Variants in FNDC3B observed in about 807,000 individuals in gnomAD.
FNDC3B encodes the protein fibronectin type III domain containing 3B, also known as fibronectin type III domain-containing protein 3B.
FNDC3B carries 12 observed loss-of-function variants against 151.5 expected under a neutral mutation model. The observed-to-expected ratio is 0.08, with a 90% CI of 0.05 to 0.13. The LOEUF is 0.13. Among genes scored for constraint, FNDC3B ranks in the 10% least tolerant of loss-of-function variants. The pLI, the probability that FNDC3B is intolerant of heterozygous loss-of-function variation, is 1.00. For synonymous variants in FNDC3B, 528 were observed against 549.0 expected (o/e 0.96, Z 0.54); for missense variants, 1,214 against 1,505.3 (o/e 0.81, Z 3.20).
chr3:172,260,523 G>A (rs538623905), intron 6 of FNDC3B, among the ~76,000 whole-genome samples: 5 of 152,366 alleles, frequency 3.3e-5, no homozygotes, highest in Admixed American at 2.0e-4. Flanking sequence ...CTTTAAAAAT[G>A]TAGTGGTATT....
rs547090995 is a variant in FNDC3B, at chr3:172,345,421, C to A, written c.2251-906C>A. 2.0e-5 allele frequency among the ~76,000 whole-genome samples: 3 copies of A among 152,148 alleles called. 1 individual carries two copies. The South Asian group carries it at 6.2e-4, about 31-fold the overall frequency. On this transcript the variant is annotated intron_variant, in intron 19 of 25. Transcript: ENST00000415807. ...AGCTGTACTTTTCTCAGCCCTTTCA[C>A]TGATTTATCCTATAAAGAAACTATC...
chr3:172,041,467 C>T (rs1296535325), intron 1 of FNDC3B, among the ~76,000 whole-genome samples: 2 of 145,424 alleles, frequency 1.4e-5, no homozygotes, highest in African/African-American at 5.2e-5. Context: ...TCTCCTCCTC[C>T]TCCTTCTTGT....
At chr3:172,256,907 C>G (rs776207775) in intron 6 of FNDC3B, among the ~76,000 whole-genome samples, 1 of 151,474 alleles carries the variant, frequency 6.6e-6, no homozygotes, top group Non-Finnish European at 1.5e-5. Context: ...GAGAGGAAAT[C>G]AAGAGTGTAA....
intron 2 of FNDC3B, among the ~76,000 whole-genome samples, chr3:172,117,355 T>G (rs1559973831): frequency 6.6e-6 from 1 of 152,236 alleles, no homozygotes; most frequent in Non-Finnish European, 1.5e-5. Context: ...TTGATGCCTT[T>G]GTTGACATTT....
chr3:172,319,722 G>T (rs1731987541), intron 11 of FNDC3B, among the ~76,000 whole-genome samples: 1 of 152,176 alleles, frequency 6.6e-6, no homozygotes, highest in South Asian at 2.1e-4. Flanking sequence ...ATATGGTTAT[G>T]CTGAACACAT....
At chr3:172,341,335 T>A in intron 17 of FNDC3B, 104 bp downstream of exon 17, 1 of 813,496 alleles carries the variant, frequency 1.2e-6, no homozygotes, top group Non-Finnish European at 2.2e-6. Context: ...ATCTTGGTAA[T>A]GCAACCTAAT....
chr3:172,157,563 G>A (rs889685713), intron 3 of FNDC3B, among the ~76,000 whole-genome samples: 6 of 152,034 alleles, frequency 3.9e-5, no homozygotes, highest in African/African-American at 1.4e-4. Context: ...CTTTCTTCCT[G>A]CTATCCCTAA....
intron 10 of FNDC3B, among the ~76,000 whole-genome samples, chr3:172,309,230 C>T (rs998807012): frequency 6.6e-6 from 1 of 152,184 alleles, no homozygotes; most frequent in African/African-American, 2.4e-5. Flanking sequence ...GGCACAAGGA[C>T]AGGGGAACAT....
At chr3:172,160,226 A>G (rs1722700882) in intron 3 of FNDC3B, among the ~76,000 whole-genome samples, 2 of 152,242 alleles carry the variant, frequency 1.3e-5, no homozygotes, top group Admixed American at 6.5e-5. Flanking sequence ...ACCTCTGTTC[A>G]TAGACCTTTG....
intron 6 of FNDC3B, among the ~76,000 whole-genome samples, chr3:172,281,005 A>G (rs1218081379): frequency 6.6e-6 from 1 of 151,896 alleles, no homozygotes. Flanking sequence ...TTTAGGGAAA[A>G]GAAAGACTTG....
At position 172,299,548 on chromosome 3, in the gene FNDC3B, A is replaced by T. The variant is rs190317296; in HGVS notation, c.1061+761A>T. On this transcript the variant is annotated intron_variant, in intron 9 of 25. Coordinates refer to ENST00000415807, the MANE Select transcript of FNDC3B (RefSeq NM_022763.4). Reference sequence around the variant, plus strand: ...CTAAAAAAACTTTTTTTTAATCTTTATTTTATCTAATATTTAAGTTCCCCA... The same window carrying T: ...CTAAAAAAACTTTTTTTTAATCTTTTTTTTATCTAATATTTAAGTTCCCCA... Among the ~76,000 whole-genome samples, 230 of 152,190 alleles carry T rather than the reference A, an allele frequency of 1.5e-3. 3 individuals are homozygous for T. The highest frequency in any genetic ancestry group is 4.1e-4 in the Non-Finnish European group (28 of 67,996).
chr3:172,209,142 G>A (rs1032254454), intron 3 of FNDC3B, among the ~76,000 whole-genome samples: 3 of 152,178 alleles, frequency 2.0e-5, no homozygotes, highest in East Asian at 1.9e-4. Context: ...GGTGGGGGTC[G>A]TGTTTCAGCC....
intron 3 of FNDC3B, among the ~76,000 whole-genome samples, chr3:172,204,474 G>GTATATA (rs774075688): frequency 1.5e-4 from 23 of 152,126 alleles, no homozygotes; most frequent in Non-Finnish European, 2.8e-4. Context: ...TTCTGTGCAT[G>GTATATA]TATACATACA....
intron 3 of FNDC3B, among the ~76,000 whole-genome samples, chr3:172,224,505 A>G (rs371428674): frequency 4.6e-5 from 7 of 152,214 alleles, no homozygotes; most frequent in African/African-American, 1.7e-4. Flanking sequence ...GGAATGTTAG[A>G]TAAATAGTAT....
chr3:172,390,424 T>C (rs932338337), intron 25 of FNDC3B, among the ~76,000 whole-genome samples: 1 of 152,204 alleles, frequency 6.6e-6, no homozygotes, highest in Non-Finnish European at 1.5e-5. Flanking sequence ...CATTTTCAGA[T>C]ATCTTCCAGT....
intron 3 of FNDC3B, among the ~76,000 whole-genome samples, chr3:172,172,159 A>T (rs1723315271): frequency 6.6e-6 from 1 of 152,220 alleles, no homozygotes; most frequent in Admixed American, 6.5e-5. Flanking sequence ...CAGTAAGCAG[A>T]TGATGGCGTA....
At chr3:172,135,505 T>A (rs1721314364) in intron 3 of FNDC3B, among the ~76,000 whole-genome samples, 1 of 152,204 alleles carries the variant, frequency 6.6e-6, no homozygotes, top group South Asian at 2.1e-4. Flanking sequence ...AAAACAGAAT[T>A]GTGGAGCCAT....
intron 6 of FNDC3B, among the ~76,000 whole-genome samples, chr3:172,272,204 A>G (rs1408038045): frequency 6.6e-6 from 1 of 152,198 alleles, no homozygotes; most frequent in East Asian, 1.9e-4. Flanking sequence ...TAGCTATAAG[A>G]GAGTGGGGAC....
At chr3:172,126,020 G>A (rs1221825582) in intron 2 of FNDC3B, among the ~76,000 whole-genome samples, 1 of 152,036 alleles carries the variant, frequency 6.6e-6, no homozygotes, top group Non-Finnish European at 1.5e-5. Context: ...GTTGCTTCAG[G>A]GTGCAGAATA....
Sources: gnomAD v4.1 joint callset for allele counts (sites outside exome capture counted in the v4.1 genomes callset) on GRCh38, gnomAD v4.1.1 for gene constraint, MANE v1.5 for transcripts, NCBI Gene and HGNC (gene_info 2026-07-23, HGNC 2026-07-21) for gene names.